KIAA1217: variants seen among roughly 807,000 people sequenced by gnomAD.
KIAA1217 encodes the protein KIAA1217, also known as sickle tail protein homolog.
A neutral mutation model predicts 163.9 loss-of-function variants in KIAA1217; 88 were observed. That is an observed-to-expected ratio of 0.54 (90% CI 0.45 to 0.64). The LOEUF (loss-of-function observed/expected upper bound fraction) is 0.64. Ranked by LOEUF, KIAA1217 falls within the 30% of genes least tolerant of loss-of-function variation. KIAA1217 has a pLI of 0.00. For missense variants in KIAA1217, 2,372 were observed against 2,475.0 expected (o/e 0.96, Z 0.88); for synonymous variants, 903 against 923.1 (o/e 0.98, Z 0.39).
At chr10:23,713,359 TCA>T (rs1837380274) in intron 1 of KIAA1217, among the ~76,000 whole-genome samples, 2 of 152,198 alleles carry the variant, frequency 1.3e-5, no homozygotes, top group African/African-American at 4.8e-5. Context: ...ACTAATCATT[TCA>T]GTTTTATCAT....
At chr10:24,170,937 A>G (rs1415356092) in intron 2 of KIAA1217, among the ~76,000 whole-genome samples, 1 of 152,192 alleles carries the variant, frequency 6.6e-6, no homozygotes, top group Non-Finnish European at 1.5e-5. Flanking sequence ...TTCTGTTCAG[A>G]GATGTGTTCT....
At chr10:24,056,909 G>A (rs1421214780) in intron 2 of KIAA1217, among the ~76,000 whole-genome samples, 1 of 152,030 alleles carries the variant, frequency 6.6e-6, no homozygotes, top group African/African-American at 2.4e-5. Context: ...AATAATTAAA[G>A]GTTGTATTTA....
Position 24,219,692 on chromosome 10 carries a change from G to A in KIAA1217, c.137G>A (p.Arg46His), listed in dbSNP as rs758030089. 15 of 1,613,744 alleles carry A rather than the reference G, an allele frequency of 9.3e-6. No individual in the cohort carries two copies. Among genetic ancestry groups the A allele is most frequent in the Admixed American group, 3.3e-5 (2 of 59,970 alleles). Residue 46 changes from arginine to histidine, a missense_variant, in exon 2 of 21, where the codon CGC (arginine) becomes CAC (histidine). Around this residue, in one of 3 missense-constraint regions of KIAA1217, gnomAD observed 1,431 missense variants for 1,470.3 expected, o/e 0.97. Transcript: ENST00000376454. ...GCAGAATGCCGCAGAACCAAGGAACGCCTTTCTAATGGAAACAGTCGTGGT... is the reference window on the plus strand; with the variant it reads ...GCAGAATGCCGCAGAACCAAGGAACACCTTTCTAATGGAAACAGTCGTGGT... Reference protein sequence around the residue: ...EDAECRRTKERLSNGNSRGSV... With the variant: ...EDAECRRTKEHLSNGNSRGSV...
chr10:23,921,002 A>G lies in KIAA1217; in HGVS notation c.-320-86223A>G, dbSNP rs115011266. 8.9e-3 allele frequency among the ~76,000 whole-genome samples: 1,358 copies of G among 152,326 alleles called. 22 individuals carry two copies. The highest frequency in any genetic ancestry group is 0.031 in the African/African-American group (1,276 of 41,576). On this transcript the variant is annotated intron_variant, in intron 1 of 18. Transcript: ENST00000376462. ...CTTTGTTCCTCCTTTGCCTTCTGCCATGATTGTGAAGCCTCCCTAGCTATG... is the reference window on the plus strand; with the variant it reads ...CTTTGTTCCTCCTTTGCCTTCTGCCGTGATTGTGAAGCCTCCCTAGCTATG...
In KIAA1217 at chr10:23,944,481, AC is replaced by A. The variant is rs562376509; in HGVS notation, c.-320-62743del. 4.6e-5 allele frequency among the ~76,000 whole-genome samples: 7 copies of A among 152,260 alleles called. No individual in the cohort carries two copies. In the South Asian group the frequency reaches 1.4e-3, roughly 32 times the overall value. The stretch of plus-strand genomic sequence containing the variant: ...GTAATAAGCTCTAAAAAAAAAAGCA[AC>A]AAAAAATACACAAAACATCTAATTA... On this transcript the variant is annotated intron_variant, in intron 1 of 18. Coordinates refer to the KIAA1217 transcript ENST00000376462.
intron 2 of KIAA1217, among the ~76,000 whole-genome samples, chr10:24,145,629 C>G (rs373859125): frequency 1.2e-4 from 18 of 152,320 alleles, no homozygotes; most frequent in African/African-American, 4.1e-4. Context: ...CCGGCCATCT[C>G]CAAGCTGAGG....
chr10:24,529,823 A>G, intron 14 of KIAA1217, among the ~76,000 whole-genome samples: 1 of 132,676 alleles, frequency 7.5e-6, no homozygotes, highest in Admixed American at 7.9e-5. Context: ...TTTGAGACTG[A>G]GTCTCACTCT....
intron 2 of KIAA1217, among the ~76,000 whole-genome samples, chr10:24,156,586 T>G (rs1589707726): frequency 1.3e-5 from 2 of 152,188 alleles, no homozygotes; most frequent in South Asian, 4.1e-4. Flanking sequence ...ATCACTTTTA[T>G]ACATAAACTA....
chr10:24,502,780 C>G (rs971447167), intron 9 of KIAA1217, among the ~76,000 whole-genome samples: 5 of 152,128 alleles, frequency 3.3e-5, no homozygotes, highest in African/African-American at 1.2e-4. Flanking sequence ...ATGACGAGGT[C>G]AGGACTTCAA....
At chr10:23,978,740 C>G (rs574450828) in intron 1 of KIAA1217, among the ~76,000 whole-genome samples, 1 of 152,208 alleles carries the variant, frequency 6.6e-6, no homozygotes, top group South Asian at 2.1e-4. Context: ...GCTTTTAAAA[C>G]ATACACAGAA....
intron 1 of KIAA1217, among the ~76,000 whole-genome samples, chr10:23,847,136 C>G (rs1839074892): frequency 6.6e-6 from 1 of 152,088 alleles, no homozygotes; most frequent in Admixed American, 6.6e-5. Flanking sequence ...ATTCGGTTTG[C>G]CAGTATTTTA....
chr10:23,921,855 T>C (rs1227094281), intron 1 of KIAA1217, among the ~76,000 whole-genome samples: 1 of 152,108 alleles, frequency 6.6e-6, no homozygotes, highest in Non-Finnish European at 1.5e-5. Context: ...ATAAGAAATA[T>C]ATATTTGGTC....
intron 1 of KIAA1217, among the ~76,000 whole-genome samples, chr10:23,882,350 A>T (rs1175765328): frequency 6.6e-6 from 1 of 151,886 alleles, no homozygotes; most frequent in Non-Finnish European, 1.5e-5. Context: ...TGAAAACAAG[A>T]CATATCACTA....
chr10:23,802,202 C>T (rs1449047425), intron 1 of KIAA1217, among the ~76,000 whole-genome samples: 2 of 152,118 alleles, frequency 1.3e-5, no homozygotes, highest in Admixed American at 1.3e-4. Context: ...GACTGGGGCC[C>T]TTTCATGAAA....
chr10:24,297,755 C>T (rs546461163), intron 2 of KIAA1217, among the ~76,000 whole-genome samples: 69 of 151,698 alleles, frequency 4.5e-4, no homozygotes, highest in African/African-American at 1.5e-3. Flanking sequence ...GACTCTGTCT[C>T]AAAAAATAAA....
At chr10:24,404,076 A>C (rs780751085) in intron 3 of KIAA1217, among the ~76,000 whole-genome samples, 15 of 152,032 alleles carry the variant, frequency 9.9e-5, no homozygotes, top group Non-Finnish European at 2.1e-4. Context: ...TCCCACCTCA[A>C]CTTCCTGACT....
At chr10:23,711,354 G>A (rs925645359) in intron 1 of KIAA1217, among the ~76,000 whole-genome samples, 2 of 152,030 alleles carry the variant, frequency 1.3e-5, no homozygotes, top group Non-Finnish European at 2.9e-5. Flanking sequence ...TAATCACAAG[G>A]GTCCTTACAA....
chr10:24,307,623 A>AG (rs2042151468), intron 2 of KIAA1217, among the ~76,000 whole-genome samples: 1 of 152,008 alleles, frequency 6.6e-6, no homozygotes, highest in African/African-American at 2.4e-5. Context: ...AAAAAAAAAA[A>AG]AAAAAATATT....
chr10:23,877,961 T>G (rs11013767), intron 1 of KIAA1217, among the ~76,000 whole-genome samples: 32,358 of 151,782 alleles, frequency 0.21, 3,692 homozygotes, highest in African/African-American at 0.28. Flanking sequence ...AACCACAGAA[T>G]CAGGATTGCC....
Sources: gnomAD v4.1 joint callset for allele counts (sites outside exome capture counted in the v4.1 genomes callset) on GRCh38, gnomAD v4.1.1 for gene constraint, gnomAD v4.1.1 regional missense constraint, MANE v1.5 for transcripts, NCBI Gene and HGNC (gene_info 2026-07-23, HGNC 2026-07-21) for gene names.